The following KCNMA1 variants were observed in gnomAD, a reference collection of about 807,000 sequenced individuals.
The protein encoded by KCNMA1 is potassium calcium-activated channel subfamily M alpha 1.
KCNMA1 carries 29 observed loss-of-function variants against 140.0 expected under a neutral mutation model. The ratio of observed to expected loss-of-function variants is 0.21; its 90% CI spans 0.15 to 0.28. KCNMA1 has a LOEUF of 0.28. KCNMA1 is among the 10% of genes least tolerant of loss of function. The pLI, the probability that KCNMA1 is intolerant of heterozygous loss-of-function variation, is 1.00. For missense variants in KCNMA1, 880 were observed against 1,602.2 expected (o/e 0.55, Z 7.70); for synonymous variants, 612 against 611.9 (o/e 1.00, Z 0.00).
chr10:77,014,928 C>T (rs961876447), intron 17 of KCNMA1, among the ~76,000 whole-genome samples: 3 of 152,128 alleles, frequency 2.0e-5, no homozygotes, highest in East Asian at 1.9e-4. Flanking sequence ...AACGGAGTTT[C>T]GCTGGGAAAG....
At chr10:77,242,266 C>T (rs1358942431) in intron 3 of KCNMA1, among the ~76,000 whole-genome samples, 2 of 152,184 alleles carry the variant, frequency 1.3e-5, no homozygotes, top group Admixed American at 6.5e-5. Context: ...ATAGAGTCCG[C>T]TTCTCTGATT....
chr10:76,978,186 T>C (rs2153223846), intron 19 of KCNMA1, among the ~76,000 whole-genome samples: 1 of 152,334 alleles, frequency 6.6e-6, no homozygotes, highest in Non-Finnish European at 1.5e-5. Context: ...ACGGCTGCTG[T>C]CTCTTTGTTA....
chr10:77,179,905 A>T (rs2098789222), intron 5 of KCNMA1, among the ~76,000 whole-genome samples: 1 of 152,332 alleles, frequency 6.6e-6, no homozygotes, highest in East Asian at 1.9e-4. Flanking sequence ...TAGTGTCTCT[A>T]TGAGTACACC....
intron 1 of KCNMA1, among the ~76,000 whole-genome samples, chr10:77,462,547 G>A (rs566989721): frequency 2.0e-5 from 3 of 152,130 alleles, no homozygotes; most frequent in South Asian, 2.1e-4. Context: ...ATGCACACAT[G>A]GATAAACACA....
intron 1 of KCNMA1, among the ~76,000 whole-genome samples, chr10:77,632,207 T>C (rs1603639141): frequency 6.6e-6 from 1 of 152,150 alleles, no homozygotes; most frequent in African/African-American, 2.4e-5. Context: ...GCTGATTTTT[T>C]TTCACAAGGT....
At chr10:77,332,719 G>A (rs1212381628) in intron 2 of KCNMA1, among the ~76,000 whole-genome samples, 3 of 152,186 alleles carry the variant, frequency 2.0e-5, no homozygotes, top group Non-Finnish European at 4.4e-5. Flanking sequence ...TGGGATCACA[G>A]CAAGGAGGCC....
intron 1 of KCNMA1, among the ~76,000 whole-genome samples, chr10:77,474,899 C>T (rs2098244038): frequency 6.6e-6 from 1 of 152,148 alleles, no homozygotes; most frequent in Non-Finnish European, 1.5e-5. Context: ...CCACAATGAC[C>T]TTTAAAGAGC....
At chr10:77,632,496 T>C (rs1009631555) in intron 1 of KCNMA1, among the ~76,000 whole-genome samples, 5 of 152,100 alleles carry the variant, frequency 3.3e-5, no homozygotes, top group Non-Finnish European at 5.9e-5. Flanking sequence ...TCGATGTTCG[T>C]CCACTGATAC....
At chr10:77,519,181 T>C (rs945109651) in intron 1 of KCNMA1, among the ~76,000 whole-genome samples, 1 of 152,252 alleles carries the variant, frequency 6.6e-6, no homozygotes, top group Non-Finnish European at 1.5e-5. Context: ...GCCAGCACGC[T>C]GACATTTTCC....
chr10:77,181,695 G>A (rs1401561207), intron 5 of KCNMA1, among the ~76,000 whole-genome samples: 1 of 152,136 alleles, frequency 6.6e-6, no homozygotes, highest in Admixed American at 6.5e-5. Flanking sequence ...TCTCAGATTT[G>A]TGTGTGACTC....
intron 1 of KCNMA1, among the ~76,000 whole-genome samples, chr10:77,546,842 T>C (rs145218521): frequency 4.6e-5 from 7 of 152,340 alleles, no homozygotes; most frequent in African/African-American, 1.2e-4. Flanking sequence ...TTTTCCCTTC[T>C]AGGCTACCTA....
At chr10:77,371,710 T>C (rs373885639) in intron 2 of KCNMA1, among the ~76,000 whole-genome samples, 1 of 152,142 alleles carries the variant, frequency 6.6e-6, no homozygotes, top group East Asian at 1.9e-4. Flanking sequence ...CCTGTTATGA[T>C]ATGCACTTCC....
At chr10:77,473,598 C>G (rs1166810204) in intron 1 of KCNMA1, among the ~76,000 whole-genome samples, 1 of 152,142 alleles carries the variant, frequency 6.6e-6, no homozygotes, top group Non-Finnish European at 1.5e-5. Flanking sequence ...GGCTCCCTGG[C>G]ACAGGAGGCA....
At chr10:76,968,018 G>T (rs2074621460) in intron 20 of KCNMA1, among the ~76,000 whole-genome samples, 1 of 151,946 alleles carries the variant, frequency 6.6e-6, no homozygotes, top group Non-Finnish European at 1.5e-5. Flanking sequence ...AAGGCCTTCG[G>T]GCAGAAAGTC....
At chr10:77,529,315 G>A (rs1292919245) in intron 1 of KCNMA1, among the ~76,000 whole-genome samples, 3 of 151,624 alleles carry the variant, frequency 2.0e-5, no homozygotes, top group Non-Finnish European at 2.9e-5. Flanking sequence ...TGCCAGGAGT[G>A]CAGCCCCTGC....
chr10:77,134,582 T>G (rs762100372), intron 5 of KCNMA1, among the ~76,000 whole-genome samples: 8 of 152,048 alleles, frequency 5.3e-5, no homozygotes, highest in Non-Finnish European at 1.0e-4. Context: ...AAGAGCCCCA[T>G]GACAACGGTC....
chr10:77,571,724 C>T (rs779160808), intron 1 of KCNMA1, among the ~76,000 whole-genome samples: 16 of 152,254 alleles, frequency 1.1e-4, no homozygotes, highest in African/African-American at 2.6e-4. Context: ...AAAGGCCATG[C>T]TTTCAATCCT....
At chr10:77,017,033 C>T (rs1054940930) in intron 17 of KCNMA1, among the ~76,000 whole-genome samples, 2 of 152,142 alleles carry the variant, frequency 1.3e-5, no homozygotes, top group East Asian at 1.9e-4. Flanking sequence ...ACATCACATG[C>T]CATGGAAAAT....
intron 19 of KCNMA1, among the ~76,000 whole-genome samples, chr10:76,990,551 T>C (rs1174629581): frequency 6.6e-6 from 1 of 152,138 alleles, no homozygotes; most frequent in Non-Finnish European, 1.5e-5. Context: ...TTCACATTCA[T>C]GCCCTAACTT....
Sources: gnomAD v4.1 joint callset for allele counts (sites outside exome capture counted in the v4.1 genomes callset) on GRCh38, gnomAD v4.1.1 for gene constraint, MANE v1.5 for transcripts, NCBI Gene and HGNC (gene_info 2026-07-23, HGNC 2026-07-21) for gene names.